CADM2: variants seen among roughly 807,000 people sequenced by gnomAD.
CADM2 encodes the protein immunoglobulin superfamily member 4D.
CADM2 carries 12 observed loss-of-function variants against 49.8 expected under a neutral mutation model. That is an observed-to-expected ratio of 0.24 (90% CI 0.15 to 0.39). The LOEUF is 0.39. Ranked by LOEUF, CADM2 falls within the 10% of genes least tolerant of loss-of-function variation. The pLI is 1.00. For missense variants in CADM2, 378 were observed against 492.3 expected, an observed-to-expected ratio of 0.77 and a Z score of 2.20; for synonymous variants, 214 against 175.4, an observed-to-expected ratio of 1.22 and a Z score of -1.74.
intron 1 of CADM2, among the ~76,000 whole-genome samples, chr3:85,077,897 C>T (rs1045921881): frequency 1.3e-5 from 2 of 151,974 alleles, no homozygotes; most frequent in Admixed American, 1.3e-4. Context: ...TATTACATGA[C>T]TTGTTTCTTA....
intron 2 of CADM2, among the ~76,000 whole-genome samples, chr3:85,770,566 A>C (rs778104779): frequency 1.8e-4 from 28 of 152,062 alleles, no homozygotes; most frequent in Admixed American, 2.0e-4. Context: ...TGATCCTCCC[A>C]TCTCTGCCTT....
At chr3:86,019,677 T>C (rs1347239392) in intron 8 of CADM2, among the ~76,000 whole-genome samples, 1 of 152,112 alleles carries the variant, frequency 6.6e-6, no homozygotes, top group African/African-American at 2.4e-5. Context: ...TGGCTCTCTG[T>C]TTGTCTGTTG....
chr3:85,290,480 G>A (rs2043758767), intron 1 of CADM2, among the ~76,000 whole-genome samples: 1 of 152,196 alleles, frequency 6.6e-6, no homozygotes, highest in Non-Finnish European at 1.5e-5. Flanking sequence ...TCCATCTCTG[G>A]GGGCAGGGAA....
At chr3:85,687,259 C>G (rs1245350155) in intron 1 of CADM2, among the ~76,000 whole-genome samples, 1 of 152,116 alleles carries the variant, frequency 6.6e-6, no homozygotes, top group African/African-American at 2.4e-5. Context: ...TTGACAGGAA[C>G]ATTCAAAATG....
chr3:85,744,202 C>T (rs1328823827), intron 2 of CADM2, among the ~76,000 whole-genome samples: 3 of 151,964 alleles, frequency 2.0e-5, no homozygotes, highest in African/African-American at 7.3e-5. Flanking sequence ...TTACCAGAGG[C>T]TAGGAAAGGT....
intron 7 of CADM2, among the ~76,000 whole-genome samples, chr3:85,953,423 A>G (rs1723681733): frequency 1.3e-5 from 2 of 150,898 alleles, no homozygotes; most frequent in Non-Finnish European, 3.0e-5. Context: ...AATCTTTTCA[A>G]CATTATGGCC....
intron 8 of CADM2, among the ~76,000 whole-genome samples, chr3:86,039,460 C>T (rs1260932308): frequency 6.6e-6 from 1 of 152,164 alleles, no homozygotes; most frequent in Non-Finnish European, 1.5e-5. Flanking sequence ...TCAGAGGGTC[C>T]CACGCCCACG....
chr3:85,040,325 A>G (rs2035385623), intron 1 of CADM2, among the ~76,000 whole-genome samples: 1 of 152,116 alleles, frequency 6.6e-6, no homozygotes, highest in Non-Finnish European at 1.5e-5. Context: ...GATCCTCTAA[A>G]TAATTTATTT....
intron 8 of CADM2, among the ~76,000 whole-genome samples, chr3:86,031,283 G>C (rs1734529829): frequency 6.6e-6 from 1 of 151,746 alleles, no homozygotes; most frequent in South Asian, 2.1e-4. Context: ...CTTGATATCA[G>C]CTAAATTAGA....
chr3:85,026,846 G>T (rs2034748945), intron 1 of CADM2, among the ~76,000 whole-genome samples: 1 of 152,068 alleles, frequency 6.6e-6, no homozygotes, highest in Non-Finnish European at 1.5e-5. Flanking sequence ...AATCTGCTTG[G>T]TTGAAAATGG....
chr3:85,659,929 T>TA (rs895046918), intron 1 of CADM2, among the ~76,000 whole-genome samples: 20 of 151,984 alleles, frequency 1.3e-4, no homozygotes, highest in Non-Finnish European at 2.4e-4. Flanking sequence ...GACTTCAATT[T>TA]AAAAAAAATG....
rs137876203 is a variant in CADM2 at position 85,012,583 on chromosome 3, A to C, written c.61+52915A>C. On this transcript the variant is annotated intron_variant, in intron 1 of 9. Coordinates refer to ENST00000383699, the MANE Select transcript of CADM2 (RefSeq NM_001167675.2). ...CAACATGAAACAATGAACAATATTA[A>C]AATAATTCACTTTGTGTTCAGTAAT... Among the ~76,000 whole-genome samples, 8 of 150,772 alleles carry C rather than the reference A, an allele frequency of 5.3e-5. No homozygotes were observed. The East Asian group carries it at 1.6e-3, about 29-fold the overall frequency.
At chr3:85,275,110 A>G (rs1014052199) in intron 1 of CADM2, among the ~76,000 whole-genome samples, 1 of 151,526 alleles carries the variant, frequency 6.6e-6, no homozygotes, top group African/African-American at 2.4e-5. Flanking sequence ...ATGTTCTATC[A>G]AAAATCTTTA....
chr3:85,716,843 C>G (rs2067311036), intron 1 of CADM2, among the ~76,000 whole-genome samples: 1 of 152,008 alleles, frequency 6.6e-6, no homozygotes, highest in Non-Finnish European at 1.5e-5. Flanking sequence ...CTGTTCTGTT[C>G]CATTGGTCTA....
chr3:85,398,658 C>G (rs1397755354), intron 1 of CADM2, among the ~76,000 whole-genome samples: 1 of 152,166 alleles, frequency 6.6e-6, no homozygotes, highest in Non-Finnish European at 1.5e-5. Flanking sequence ...CACATCCTCT[C>G]CAGCACCTGT....
chr3:85,092,168 G>A (rs565067297), intron 1 of CADM2, among the ~76,000 whole-genome samples: 1 of 152,172 alleles, frequency 6.6e-6, no homozygotes, highest in East Asian at 1.9e-4. Flanking sequence ...AACCATTTTT[G>A]AATTTTGTTG....
chr3:84,998,739 C>T (rs17022239), intron 1 of CADM2, among the ~76,000 whole-genome samples: 2 of 151,936 alleles, frequency 1.3e-5, no homozygotes, highest in Non-Finnish European at 1.5e-5. Flanking sequence ...CAGAGCAATG[C>T]GTGTTTTCTT....
intron 8 of CADM2, among the ~76,000 whole-genome samples, chr3:86,032,218 G>A (rs1050597538): frequency 4.6e-5 from 7 of 151,548 alleles, no homozygotes; most frequent in South Asian, 2.1e-4. Context: ...AATTCCTTTC[G>A]TCCAATTTGA....
intron 1 of CADM2, among the ~76,000 whole-genome samples, chr3:85,406,185 G>A (rs974929898): frequency 6.6e-6 from 1 of 151,830 alleles, no homozygotes; most frequent in Admixed American, 6.6e-5. Flanking sequence ...TAAAAATGAA[G>A]CATATTTGGA....
Sources: allele counts gnomAD v4.1 joint callset (sites outside exome capture counted in the v4.1 genomes callset), GRCh38; gene constraint gnomAD v4.1.1; transcripts MANE v1.5; gene names NCBI Gene and HGNC (gene_info 2026-07-23, HGNC 2026-07-21).